The following RFK variants were observed in gnomAD, a reference collection of about 807,000 sequenced individuals.
RFK encodes 0610038L10Rik.
A neutral mutation model predicts 17.6 loss-of-function variants in RFK; 4 were observed. The ratio of observed to expected loss-of-function variants is 0.23; its 90% CI spans 0.11 to 0.52. The LOEUF is 0.52. RFK is among the 20% of genes least tolerant of loss of function. RFK has a pLI of 0.96. For missense variants in RFK, 189 were observed against 187.7 expected (o/e 1.01, Z -0.04); for synonymous variants, 59 against 63.8 (o/e 0.92, Z 0.36).
chr9:76,390,132 T>C (rs1412340131), intron 2 of RFK, among the ~76,000 whole-genome samples: 1 of 152,216 alleles, frequency 6.6e-6, no homozygotes, highest in Non-Finnish European at 1.5e-5. Flanking sequence ...TGTGAAAGCA[T>C]GGTATTTTCA....
chr9:76,394,149 C>T lies in RFK; in HGVS notation c.23G>A (p.Cys8Tyr), dbSNP rs1192993724. Reference sequence around the variant, plus strand: ...GAAGCCCCGCACCACTTGACCCCGGCAGAAGTAAGGCAGGTGCCTCATAAT... The same window carrying T: ...GAAGCCCCGCACCACTTGACCCCGGTAGAAGTAAGGCAGGTGCCTCATAAT... MRHLPYF[C>Y]RGQVVRGFGR... Residue 8 changes from cysteine to tyrosine, a missense_variant, in exon 1 of 4, where the codon TGC (cysteine) becomes TAC (tyrosine). Coordinates refer to ENST00000376736, the MANE Select transcript of RFK (RefSeq NM_018339.6). 6.2e-7 allele frequency: 1 copy of T among 1,608,930 alleles called. No homozygotes were observed. The highest frequency in any genetic ancestry group is 8.5e-7 in the Non-Finnish European group (1 of 1,178,594).
chr9:76,388,395 G>A, intron 3 of RFK, 159 bp downstream of exon 3: 1 of 644,222 alleles, frequency 1.6e-6, no homozygotes, highest in East Asian at 2.8e-5. Context: ...TCCCTCACAG[G>A]TGAAAGAAGA....
chr9:76,387,479 G>T lies in RFK; in HGVS notation c.388C>A (p.Leu130Ile), dbSNP rs776717989. Reference protein sequence around the residue: ...QGDIEEAKKRLELPEHLKIKE... With the variant: ...QGDIEEAKKRIELPEHLKIKE... ...ATTTTCAAATGTTCTGGTAACTCTA[G>T]TCGTTTCTTAGCTTCTTCAATATCA... The change falls in exon 4 of 4, where the codon CTA becomes ATA. Residue 130 changes from leucine to isoleucine, a missense_variant. Physicochemically the swap from Leu to Ile is conservative, Grantham distance 5. This residue lies in a region of RFK where 95 missense variants were observed against 95.7 expected (regional missense o/e 0.99). Transcript: ENST00000376736. The T allele has an allele frequency of 6.9e-5, 112 of 1,611,826 alleles. No homozygotes were observed. Among genetic ancestry groups the T allele is most frequent in the Non-Finnish European group, 9.2e-5 (108 of 1,179,444 alleles).
In RFK at chr9:76,390,428, C is replaced by A. The variant is rs530139711; in HGVS notation, c.235-1772G>T. 2.6e-5 allele frequency among the ~76,000 whole-genome samples: 4 copies of A among 152,260 alleles called. No homozygotes were observed. In the South Asian group the frequency reaches 8.3e-4, roughly 32 times the overall value. The stretch of plus-strand genomic sequence containing the variant: ...CCTGTAATCCTGGCACTTTGGGAGG[C>A]TGAGGCAGGAGGACTGCTTGAGCCC... On this transcript the variant is annotated intron_variant, in intron 2 of 3. Transcript: ENST00000376736.
At chr9:76,387,666 TC>T in intron 3 of RFK, 137 bp from the exon 4 acceptor site, 1 of 741,950 alleles carries the variant, frequency 1.3e-6, no homozygotes, top group Non-Finnish European at 2.2e-6. Context: ...AAATGTTTGT[TC>T]CATCACTCCT....
At chr9:76,389,081 C>T (rs940375674) in intron 2 of RFK, among the ~76,000 whole-genome samples, 1 of 152,182 alleles carries the variant, frequency 6.6e-6, no homozygotes, top group Non-Finnish European at 1.5e-5. Flanking sequence ...TGTATGGAAA[C>T]TTCAGAGTTT....
chr9:76,391,093 A>T (rs563424101), intron 2 of RFK, among the ~76,000 whole-genome samples: 80 of 152,304 alleles, frequency 5.3e-4, no homozygotes, highest in African/African-American at 1.8e-3. Flanking sequence ...ACAGAATGGT[A>T]TTTTGTGATC....
chr9:76,386,213 A>G lies in RFK; in HGVS notation c.*1186T>C, dbSNP rs995824669. 6.6e-6 allele frequency: 1 copy of G among 152,194 alleles called. No individual in the cohort carries two copies. The allele number at this position is 152,194 out of a possible 1,614,324, so 9.4% of individuals were successfully genotyped here. On this transcript the variant is annotated 3_prime_UTR_variant, in exon 4 of 4. Coordinates refer to ENST00000376736, the MANE Select transcript of RFK (RefSeq NM_018339.6). ...TATTAGTTAGTAGGAGGAAAAATCC[A>G]CAGTATGAAGGCTATTTAACTAAAA...
At position 76,394,272 on chromosome 9, in the gene RFK, G is replaced by C. The variant is rs891323623; in HGVS notation, c.-101C>G. 1.6e-5 allele frequency: 20 copies of C among 1,220,240 alleles called. No individual in the cohort carries two copies. The highest frequency in any genetic ancestry group is 1.9e-5 in the Non-Finnish European group (17 of 893,064). 75.6% of individuals were successfully genotyped at this position (1,220,240 alleles called of 1,614,324 possible). A position where few individuals can be genotyped will look rare whatever the true frequency, so the allele number is the denominator to read the frequency against. ...ACCCCGGACCAGCCGGGGGACAGGA[G>C]CGTGAGCTCTGCCTGCCGCGGGGGC... is the stretch of plus-strand genomic sequence containing the variant. On this transcript the variant is annotated 5_prime_UTR_variant, in exon 1 of 4. Coordinates refer to ENST00000376736, the MANE Select transcript of RFK (RefSeq NM_018339.6).
Position 76,386,411 on chromosome 9 carries a change from A to C in RFK, c.*988T>G, listed in dbSNP as rs916869550. The stretch of plus-strand genomic sequence containing the variant: ...TGGCTCTTAAATAGTTTTGCTAGGG[A>C]GGAAACATTTTGTGTTCTTTAAGAA... On this transcript the variant is annotated 3_prime_UTR_variant, in exon 4 of 4. Coordinates refer to ENST00000376736, the MANE Select transcript of RFK (RefSeq NM_018339.6). The C allele has an allele frequency of 6.6e-6, 1 of 152,146 alleles. No homozygotes were observed. Among genetic ancestry groups the C allele is most frequent in the African/African-American group, 2.4e-5 (1 of 41,444 alleles). 9.4% of individuals were successfully genotyped at this position (152,146 alleles called of 1,614,324 possible).
chr9:76,388,781 A>G (rs1822777195), intron 2 of RFK, 125 bp from the exon 3 acceptor site: 2 of 580,166 alleles, frequency 3.4e-6, no homozygotes, highest in East Asian at 6.1e-5. Context: ...ACTTTTAAAG[A>G]TTCAGGTTAA....
Position 76,387,313 on chromosome 9 carries a change from T to C in RFK, c.*86A>G, listed in dbSNP as rs1822750075. The C allele has an allele frequency of 7.9e-7, 1 of 1,271,520 alleles. No homozygotes were observed. Among genetic ancestry groups the C allele is most frequent in the South Asian group, 1.4e-5 (1 of 72,492 alleles). The allele number at this position is 1,271,520 out of a possible 1,614,324, so 78.8% of individuals were successfully genotyped here. ...CACAACTGTAGTAAAGTGTTTGATT[T>C]TCAGTATATAACCAAGATGATGCTG... On this transcript the variant is annotated 3_prime_UTR_variant, in exon 4 of 4. Coordinates refer to ENST00000376736, the MANE Select transcript of RFK (RefSeq NM_018339.6).
At position 76,387,491 on chromosome 9, in the gene RFK, C is replaced by T. The variant is rs1013183068; in HGVS notation, c.376G>A (p.Ala126Thr). Reference protein sequence around the residue: ...ISAIQGDIEEAKKRLELPEHL... With the variant: ...ISAIQGDIEETKKRLELPEHL... ...TCTGGTAACTCTAGTCGTTTCTTAGCTTCTTCAATATCACCTTGAATTGCT... is the reference window on the plus strand; with the variant it reads ...TCTGGTAACTCTAGTCGTTTCTTAGTTTCTTCAATATCACCTTGAATTGCT... Residue 126 changes from alanine (A) to threonine (T), a missense_variant, in exon 4 of 4, where the codon GCT (alanine) becomes ACT (threonine). By Grantham distance (58) the Ala-to-Thr change is moderately conservative. This residue lies in a region of RFK where 95 missense variants were observed against 95.7 expected (regional missense o/e 0.99). Coordinates refer to ENST00000376736, the MANE Select transcript of RFK (RefSeq NM_018339.6). 6.2e-7 allele frequency: 1 copy of T among 1,611,742 alleles called. No individual in the cohort carries two copies. Among genetic ancestry groups the T allele is most frequent in the Non-Finnish European group, 8.5e-7 (1 of 1,179,410 alleles).
At chr9:76,393,492 C>T (rs1045109697) in intron 1 of RFK, among the ~76,000 whole-genome samples, 1 of 152,212 alleles carries the variant, frequency 6.6e-6, no homozygotes, top group African/African-American at 2.4e-5. Context: ...CAGGCGTGAG[C>T]CACCACGCCC....
chr9:76,392,318 T>C lies in RFK; in HGVS notation c.234+100A>G, dbSNP rs540392203. ...CAAAATTCCAGTATTTGAACTACGT[T>C]GTGATTACCACTGATAAGCTATTTC... On this transcript the variant is annotated intron_variant, in intron 2 of 3. Coordinates refer to ENST00000376736, the MANE Select transcript of RFK (RefSeq NM_018339.6). The C allele has an allele frequency of 2.8e-5, 35 of 1,240,822 alleles. 1 individual carries two copies. The South Asian group carries it at 4.9e-4, about 17-fold the overall frequency. 76.9% of individuals were successfully genotyped at this position (1,240,822 alleles called of 1,614,324 possible).
chr9:76,393,789 AC>A, intron 1 of RFK: 1 of 437,978 alleles, frequency 2.3e-6, no homozygotes, highest in Admixed American at 4.1e-5. Context: ...GCAATGCTTG[AC>A]CAACTGTACC....
intron 2 of RFK, among the ~76,000 whole-genome samples, chr9:76,390,323 A>G (rs1307894678): frequency 6.6e-6 from 1 of 152,224 alleles, no homozygotes; most frequent in Non-Finnish European, 1.5e-5. Flanking sequence ...AACAGATTAT[A>G]TAAAGCACTA....
chr9:76,388,404 G>A (rs1430029371), intron 3 of RFK, 150 bp downstream of exon 3: 6 of 648,456 alleles, frequency 9.3e-6, no homozygotes, highest in Non-Finnish European at 1.7e-5. Flanking sequence ...GGTGAAAGAA[G>A]ATAGATTCAC....
chr9:76,386,300 A>C lies in RFK; in HGVS notation c.*1099T>G, dbSNP rs1193270519. 6.6e-6 allele frequency: 1 copy of C among 152,226 alleles called. No individual in the cohort carries two copies. Among genetic ancestry groups the C allele is most frequent in the Non-Finnish European group, 1.5e-5 (1 of 68,042 alleles). The allele number at this position is 152,226 out of a possible 1,614,324, so 9.4% of individuals were successfully genotyped here. On this transcript the variant is annotated 3_prime_UTR_variant, in exon 4 of 4. Transcript: ENST00000376736. ...GCATTAAATTACATCGTGCATATAC[A>C]ACTACACCCATTTAGATTTGCCTTG...
Sources: gnomAD v4.1 joint callset for allele counts (sites outside exome capture counted in the v4.1 genomes callset) on GRCh38, gnomAD v4.1.1 for gene constraint, gnomAD v4.1.1 regional missense constraint, MANE v1.5 for transcripts, NCBI Gene and HGNC (gene_info 2026-07-23, HGNC 2026-07-21) for gene names.